Variants in PDE1C observed in about 807,000 individuals in gnomAD.
PDE1C encodes phosphodiesterase 1C, also known as dual specificity calcium/calmodulin-dependent 3',5'-cyclic nucleotide phosphodiesterase 1C.
In PDE1C, 62 loss-of-function variants were observed where a neutral mutation model predicts 93.1. The observed-to-expected ratio is 0.67, with a 90% CI of 0.54 to 0.82. The LOEUF (loss-of-function observed/expected upper bound fraction) is 0.82, where lower values mean the gene tolerates loss of function less well. PDE1C is among the 40% of genes least tolerant of loss of function. The pLI is 0.00. For synonymous variants in PDE1C, 325 were observed against 310.1 expected (o/e 1.05, Z -0.50); for missense variants, 742 against 884.6 (o/e 0.84, Z 2.04).
intron 2 of PDE1C, among the ~76,000 whole-genome samples, chr7:32,000,755 G>T (rs148354191): frequency 2.0e-5 from 3 of 152,048 alleles, no homozygotes. Flanking sequence ...GGGGATGTCT[G>T]GTACCCTGGA....
rs1798847363 is a variant in PDE1C at position 32,114,149 on chromosome 7, A to T, written c.308+55636T>A. On this transcript the variant is annotated intron_variant, in intron 3 of 18. Transcript: ENST00000396193. ...AACTACTTAAATTTCATATGGAATC[A>T]AAGAAGACCCCATAGACAATCCTAA... is the stretch of plus-strand genomic sequence containing the variant. 3.3e-5 allele frequency among the ~76,000 whole-genome samples: 5 copies of T among 152,186 alleles called. No homozygotes were observed. In the South Asian group the frequency reaches 1.0e-3, roughly 31 times the overall value.
chr7:32,407,788 T>C (rs562059999), intron 1 of PDE1C, among the ~76,000 whole-genome samples: 5 of 152,250 alleles, frequency 3.3e-5, no homozygotes, highest in Non-Finnish European at 7.4e-5. Flanking sequence ...GGGTTGAGGA[T>C]CCAGCACTCC....
At chr7:32,132,513 A>T (rs1044470403) in intron 3 of PDE1C, among the ~76,000 whole-genome samples, 1 of 152,112 alleles carries the variant, frequency 6.6e-6, no homozygotes, top group Non-Finnish European at 1.5e-5. Context: ...ATAGAAAAAA[A>T]AAATTAGCCG....
At chr7:32,292,272 G>A (rs1812382951) in intron 1 of PDE1C, among the ~76,000 whole-genome samples, 1 of 151,096 alleles carries the variant, frequency 6.6e-6, no homozygotes, top group Non-Finnish European at 1.5e-5. Context: ...TTTATTATTT[G>A]TTGAGGTAAG....
At chr7:31,703,239 C>T in the PDE1C span, among the ~76,000 whole-genome samples, 1 of 152,108 alleles carries the variant, frequency 6.6e-6, no homozygotes, top group African/African-American at 2.4e-5. Context: ...TAAATCAAAC[C>T]ATTTCTGAAG....
intron 16 of PDE1C, among the ~76,000 whole-genome samples, chr7:31,803,402 A>T (rs567103738): frequency 2.7e-5 from 4 of 149,300 alleles, no homozygotes; most frequent in Non-Finnish European, 4.5e-5. Context: ...TTTTCTTTTT[A>T]TTATTATTAT....
At chr7:32,038,182 T>C (rs1044917805) in intron 2 of PDE1C, among the ~76,000 whole-genome samples, 1 of 152,156 alleles carries the variant, frequency 6.6e-6, no homozygotes, top group Non-Finnish European at 1.5e-5. Flanking sequence ...TTTCTTCTTT[T>C]AGCCTCTTTA....
intron 17 of PDE1C, among the ~76,000 whole-genome samples, chr7:31,762,126 T>C (rs184456069): frequency 2.2e-4 from 34 of 152,326 alleles, no homozygotes; most frequent in African/African-American, 8.2e-4. Flanking sequence ...ACTAGGGAAT[T>C]TATTTGCCTC....
intron 2 of PDE1C, among the ~76,000 whole-genome samples, chr7:31,896,861 G>A (rs1034699268): frequency 6.6e-6 from 1 of 152,154 alleles, no homozygotes; most frequent in Non-Finnish European, 1.5e-5. Context: ...ATAATTAAAC[G>A]ACCTTGTTAT....
At chr7:32,031,739 C>G (rs1790348384) in intron 2 of PDE1C, among the ~76,000 whole-genome samples, 1 of 152,082 alleles carries the variant, frequency 6.6e-6, no homozygotes, top group South Asian at 2.1e-4. Context: ...ATGCAGGAAA[C>G]AGAGGCTGGA....
chr7:31,837,817 G>C (rs1021620999), intron 10 of PDE1C, 53 bp downstream of exon 10: 6 of 1,112,624 alleles, frequency 5.4e-6, no homozygotes, highest in African/African-American at 4.6e-5. Flanking sequence ...ACATAGACGA[G>C]GACCCATTCA....
At chr7:31,913,402 C>G (rs1406166328) in intron 2 of PDE1C, among the ~76,000 whole-genome samples, 1 of 148,090 alleles carries the variant, frequency 6.8e-6, no homozygotes, top group Admixed American at 7.0e-5. Context: ...CAGAATGAAT[C>G]AAGGTGAAAA....
chr7:31,680,112 T>A, the PDE1C span, among the ~76,000 whole-genome samples: 4 of 152,192 alleles, frequency 2.6e-5, no homozygotes, highest in Non-Finnish European at 5.9e-5. Context: ...CTTACTTAAT[T>A]GAGCATCAGA....
At chr7:32,266,082 G>T (rs1810552579) in intron 1 of PDE1C, among the ~76,000 whole-genome samples, 1 of 129,560 alleles carries the variant, frequency 7.7e-6, no homozygotes, top group South Asian at 2.4e-4. Context: ...AGACCATCCT[G>T]GCCAACATGG....
At chr7:31,923,257 C>G (rs1802861788) in intron 2 of PDE1C, among the ~76,000 whole-genome samples, 1 of 152,154 alleles carries the variant, frequency 6.6e-6, no homozygotes, top group Admixed American at 6.5e-5. Context: ...CAACATAACT[C>G]AGATGCACTG....
chr7:31,913,973 T>G (rs998341194), intron 2 of PDE1C, among the ~76,000 whole-genome samples: 6 of 152,210 alleles, frequency 3.9e-5, no homozygotes, highest in Non-Finnish European at 8.8e-5. Context: ...AGCAGTTATA[T>G]TTTTAAACCA....
chr7:32,326,673 G>C (rs1182663529), intron 1 of PDE1C, among the ~76,000 whole-genome samples: 3 of 152,202 alleles, frequency 2.0e-5, no homozygotes, highest in Admixed American at 6.5e-5. Flanking sequence ...ACCTGGATTA[G>C]AGTAGGTTTG....
At chr7:32,274,564 A>G (rs1811166583) in intron 1 of PDE1C, among the ~76,000 whole-genome samples, 1 of 152,110 alleles carries the variant, frequency 6.6e-6, no homozygotes. Flanking sequence ...TGTGAGACCA[A>G]TTAGATGGTT....
chr7:32,375,191 A>G (rs894492978), intron 1 of PDE1C, among the ~76,000 whole-genome samples: 41 of 152,076 alleles, frequency 2.7e-4, no homozygotes, highest in Non-Finnish European at 1.9e-4. Context: ...ATGTAGAATC[A>G]CCTCTTTGGA....
Sources: allele counts gnomAD v4.1 joint callset (sites outside exome capture counted in the v4.1 genomes callset), GRCh38; gene constraint gnomAD v4.1.1; transcripts MANE v1.5; gene names NCBI Gene and HGNC (gene_info 2026-07-23, HGNC 2026-07-21).